Variants in AZIN2 observed in about 807,000 individuals in gnomAD.
AZIN2 encodes the protein antizyme inhibitor 2, also known as ODC antizyme inhibitor-2.
A neutral mutation model predicts 47.8 loss-of-function variants in AZIN2; 28 were observed. That is an observed-to-expected ratio of 0.59 (90% CI 0.43 to 0.80). The LOEUF (loss-of-function observed/expected upper bound fraction) is 0.80, where lower values mean the gene tolerates loss of function less well. Ranked by LOEUF, AZIN2 falls within the 30% of genes least tolerant of loss-of-function variation. The pLI is 0.00. For missense variants in AZIN2, 535 were observed against 582.5 expected, an observed-to-expected ratio of 0.92 and a Z score of 0.84; for synonymous variants, 221 against 239.4, an observed-to-expected ratio of 0.92 and a Z score of 0.71.
intron 10 of AZIN2, among the ~76,000 whole-genome samples, chr1:33,107,245 C>T (rs1644053318): frequency 6.6e-6 from 1 of 151,824 alleles, no homozygotes; most frequent in Admixed American, 6.6e-5. Flanking sequence ...GATCATGCCA[C>T]TGCACTCTAG....
the AZIN2 span, among the ~76,000 whole-genome samples, chr1:33,151,400 G>A: frequency 3.3e-5 from 5 of 152,114 alleles, no homozygotes; most frequent in African/African-American, 1.2e-4. Context: ...CCTGGCTGAA[G>A]CCACCTCCAA....
the AZIN2 span, chr1:33,163,333 C>T: frequency 3.3e-5 from 5 of 151,772 alleles, no homozygotes; most frequent in Non-Finnish European, 5.9e-5. Context: ...GCCACTGTGC[C>T]TGGCCGATTT....
chr1:33,107,563 A>G (rs1217591128), intron 10 of AZIN2, among the ~76,000 whole-genome samples: 1 of 152,180 alleles, frequency 6.6e-6, no homozygotes, highest in Non-Finnish European at 1.5e-5. Context: ...CTGGCGACAG[A>G]GCCAGACTCC....
At chr1:33,104,858 C>T (rs926075089) in intron 10 of AZIN2, among the ~76,000 whole-genome samples, 5 of 152,168 alleles carry the variant, frequency 3.3e-5, no homozygotes, top group African/African-American at 7.2e-5. Flanking sequence ...GCCACTATGC[C>T]TGGCTAATTT....
In AZIN2 at chr1:33,096,851, G is replaced by C; in HGVS notation, c.898G>C (p.Asp300His). The C allele has an allele frequency of 6.2e-7, 1 of 1,614,178 alleles. No individual in the cohort carries two copies. The highest frequency in any genetic ancestry group is 1.1e-5 in the South Asian group (1 of 91,078). The change falls in exon 9 of 12, where the codon GAC (aspartate) becomes CAC (histidine). Residue 300 changes from aspartate (D) to histidine (H), a missense_variant. Physicochemically the swap from Asp to His is moderately conservative, Grantham distance 81. This residue lies in a region of AZIN2 where 409 missense variants were observed against 429.0 expected (regional missense o/e 0.95). Transcript: ENST00000294517. Reference protein sequence around the residue: ...SIIAKKEVLLDQPGREEENGS... With the variant: ...SIIAKKEVLLHQPGREEENGS... ...CATTGCCAAGAAGGAGGTTCTGCTA[G>C]ACCAGCCTGGCAGGGAGGGTAGGTG...
chr1:33,156,557 C>T, the AZIN2 span, among the ~76,000 whole-genome samples: 1 of 152,172 alleles, frequency 6.6e-6, no homozygotes, highest in African/African-American at 2.4e-5. Flanking sequence ...TTGGCTGGGT[C>T]CCCCTCTTGT....
intron 9 of AZIN2, 97 bp from the exon 10 acceptor site, chr1:33,097,970 C>A (rs1278341445): frequency 1.2e-6 from 1 of 803,138 alleles, no homozygotes. Flanking sequence ...GAATGGGTAG[C>A]CATTTTGCTT....
the AZIN2 span, among the ~76,000 whole-genome samples, chr1:33,139,202 C>T: frequency 5.9e-5 from 9 of 152,090 alleles, no homozygotes; most frequent in African/African-American, 1.2e-4. Flanking sequence ...ATCTAGGTGT[C>T]GGGGGAATGA....
intron 10 of AZIN2, among the ~76,000 whole-genome samples, chr1:33,107,585 AAAACAAAACAAAC>A (rs1644076650): frequency 6.6e-6 from 1 of 152,184 alleles, no homozygotes; most frequent in African/African-American, 2.4e-5. Flanking sequence ...TCTCAAAAAC[AAAACAAAACAAAC>A]AAACAAAAAA....
At chr1:33,123,936 T>C (rs944808452), downstream of AZIN2, among the ~76,000 whole-genome samples, 1 of 151,678 alleles carries the variant, frequency 6.6e-6, no homozygotes, top group Non-Finnish European at 1.5e-5. Context: ...GTGGAGGTTG[T>C]AGTGAGCTGA....
chr1:33,096,980 G>A lies in AZIN2; in HGVS notation c.916+111G>A, dbSNP rs1460860418. ...GTGGCAGAGGATGGGGGAATCTGGA[G>A]AATGAATGGGTTCTTGCTTTAGGGA... On this transcript the variant is annotated intron_variant, in intron 9 of 11. Coordinates refer to ENST00000294517, the MANE Select transcript of AZIN2 (RefSeq NM_052998.4). 3 of 1,311,738 alleles carry A rather than the reference G, an allele frequency of 2.3e-6. No individual in the cohort carries two copies. In the Admixed American group the frequency reaches 5.8e-5, roughly 26 times the overall value. 81.3% of individuals were successfully genotyped at this position (1,311,738 alleles called of 1,614,324 possible).
the AZIN2 span, among the ~76,000 whole-genome samples, chr1:33,151,775 A>G: frequency 6.6e-6 from 1 of 152,206 alleles, no homozygotes; most frequent in Non-Finnish European, 1.5e-5. Flanking sequence ...TTCAGGAAGG[A>G]TCATGGACTG....
At chr1:33,095,267 A>G (rs1266218344) in intron 8 of AZIN2, among the ~76,000 whole-genome samples, 1 of 152,200 alleles carries the variant, frequency 6.6e-6, no homozygotes, top group Non-Finnish European at 1.5e-5. Flanking sequence ...ATGATTTGGG[A>G]TAGTCTCAAA....
the AZIN2 span, among the ~76,000 whole-genome samples, chr1:33,160,364 T>A: frequency 6.6e-6 from 1 of 151,998 alleles, no homozygotes; most frequent in African/African-American, 2.4e-5. Flanking sequence ...GTGAAGATGT[T>A]CTCTCAAGGA....
Position 33,118,037 on chromosome 1 carries a change from G to T in AZIN2, c.1165G>T (p.Ala389Ser). Reference sequence around the variant, plus strand: ...CTGGCTGGTCTTTGACAACATGGGCGCCTACACTGTGGGCATGGGTTCCCC... The same window carrying T: ...CTGGCTGGTCTTTGACAACATGGGCTCCTACACTGTGGGCATGGGTTCCCC... ...GDWLVFDNMG[A>S]YTVGMGSPFW... Residue 389 changes from alanine (A) to serine (S), a missense_variant, in exon 11 of 12, where the codon GCC becomes TCC. By Grantham distance (99) the Ala-to-Ser change is moderately conservative (BLOSUM62 1). Coordinates refer to ENST00000294517, the MANE Select transcript of AZIN2 (RefSeq NM_052998.4). 6.4e-7 allele frequency: 1 copy of T among 1,561,636 alleles called. No individual in the cohort carries two copies. The highest frequency in any genetic ancestry group is 8.6e-7 in the Non-Finnish European group (1 of 1,156,132).
chr1:33,154,629 C>G, the AZIN2 span, among the ~76,000 whole-genome samples: 1 of 151,410 alleles, frequency 6.6e-6, no homozygotes, highest in Non-Finnish European at 1.5e-5. Flanking sequence ...GAAACACCGT[C>G]TCTACTAAAA....
chr1:33,158,457 G>A, the AZIN2 span: 15 of 1,005,810 alleles, frequency 1.5e-5, no homozygotes, highest in Middle Eastern at 8.3e-4. Context: ...AGGGCAGCTG[G>A]CATAGGATGT....
chr1:33,124,684 C>T (rs1423626595), downstream of AZIN2, among the ~76,000 whole-genome samples: 5 of 152,152 alleles, frequency 3.3e-5, no homozygotes, highest in South Asian at 2.1e-4. This position sits in a 1 kb window ranked among gnomAD's most constrained non-coding sequence, Gnocchi z 4.6. Flanking sequence ...CCCAACCCCA[C>T]GACAGGCCTC....
At chr1:33,138,136 T>C in the AZIN2 span, among the ~76,000 whole-genome samples, 1 of 152,134 alleles carries the variant, frequency 6.6e-6, no homozygotes, top group Non-Finnish European at 1.5e-5. Flanking sequence ...AGGGAGCCAG[T>C]AGGCAGAGGT....
Sources: allele counts gnomAD v4.1 joint callset (sites outside exome capture counted in the v4.1 genomes callset), GRCh38; gene constraint gnomAD v4.1.1; regional missense constraint gnomAD v4.1.1; non-coding constraint Gnocchi (gnomAD v3.1); transcripts MANE v1.5; gene names NCBI Gene and HGNC (gene_info 2026-07-23, HGNC 2026-07-21).